The following SPAG16 variants were observed in gnomAD, a reference collection of about 807,000 sequenced individuals.
SPAG16 encodes sperm-associated antigen 16 protein.
SPAG16 carries 86 observed loss-of-function variants against 80.4 expected under a neutral mutation model. The observed-to-expected ratio is 1.07, with a 90% CI of 0.90 to 1.28. SPAG16 has a LOEUF of 1.28. SPAG16 is among the 50% of genes most tolerant of loss of function. The probability of loss-of-function intolerance (pLI) is 0.00; values close to 1 mark genes in which losing one functional copy is unlikely to be tolerated. For synonymous variants in SPAG16, 294 were observed against 265.9 expected (o/e 1.11, Z -1.03); for missense variants, 870 against 765.3 (o/e 1.14, Z -1.61).
chr2:213,720,330 T>C (rs1168201022), intron 10 of SPAG16, among the ~76,000 whole-genome samples: 1 of 151,390 alleles, frequency 6.6e-6, no homozygotes, highest in Non-Finnish European at 1.5e-5. Flanking sequence ...GAACTTAAAG[T>C]ATAAGAAAAA....
At chr2:214,301,719 A>T (rs1248252559) in intron 15 of SPAG16, among the ~76,000 whole-genome samples, 1 of 152,066 alleles carries the variant, frequency 6.6e-6, no homozygotes, top group Admixed American at 6.6e-5. Context: ...TTATTCTTTC[A>T]AAGAACCAAC....
chr2:213,577,512 T>C (rs895745568), intron 10 of SPAG16, among the ~76,000 whole-genome samples: 3 of 152,160 alleles, frequency 2.0e-5, no homozygotes, highest in Admixed American at 6.6e-5. Context: ...CTCAACTGTT[T>C]ATTTCTGCTC....
In SPAG16 at chr2:214,136,603, A is replaced by G. The variant is rs143060939; in HGVS notation, c.1594-12537A>G. 9.9e-3 allele frequency among the ~76,000 whole-genome samples: 1,509 copies of G among 152,294 alleles called. 35 individuals carry two copies. The highest frequency in any genetic ancestry group is 0.035 in the African/African-American group (1,453 of 41,566). ...ACTGATGATGGCATAGGAAAGAAGT[A>G]TACACCCAAAATTACAAACTTATCC... On this transcript the variant is annotated intron_variant, in intron 14 of 15. Transcript: ENST00000331683.
At position 214,124,276 on chromosome 2, in the gene SPAG16, A is replaced by T. The variant is rs1249714534; in HGVS notation, c.1593+16015A>T. Among the ~76,000 whole-genome samples the T allele has an allele frequency of 2.0e-5, 3 of 150,294 alleles. No individual in the cohort carries two copies. The Admixed American group carries it at 2.2e-4, about 11-fold the overall frequency. On this transcript the variant is annotated intron_variant, in intron 14 of 15. Transcript: ENST00000331683. ...TCAAAATATTTTATTTTTTTATAAG[A>T]AATAATGTCACTGATCAGGATATTT...
At chr2:213,611,739 G>C (rs969845714) in intron 10 of SPAG16, among the ~76,000 whole-genome samples, 3 of 151,980 alleles carry the variant, frequency 2.0e-5, no homozygotes, top group African/African-American at 7.2e-5. Flanking sequence ...GCTAATAATA[G>C]GTGATAACAT....
At chr2:213,777,837 T>C (rs1422230551) in intron 10 of SPAG16, among the ~76,000 whole-genome samples, 2 of 152,164 alleles carry the variant, frequency 1.3e-5, no homozygotes, top group Non-Finnish European at 2.9e-5. Flanking sequence ...GGGCCTGGCC[T>C]GTAAGAACAA....
intron 9 of SPAG16, among the ~76,000 whole-genome samples, chr2:213,472,277 A>G (rs755129572): frequency 6.6e-6 from 1 of 152,240 alleles, no homozygotes; most frequent in Non-Finnish European, 1.5e-5. Context: ...TGCCAACTCA[A>G]TGGCTGCATA....
At chr2:213,645,757 G>C (rs1046577744) in intron 10 of SPAG16, among the ~76,000 whole-genome samples, 1 of 152,098 alleles carries the variant, frequency 6.6e-6, no homozygotes, top group Non-Finnish European at 1.5e-5. Flanking sequence ...TGTCCCAGCT[G>C]GTGTCTCAGT....
At chr2:213,871,838 T>TCACA (rs1045988177) in intron 11 of SPAG16, among the ~76,000 whole-genome samples, 1,458 of 101,582 alleles carry the variant, frequency 0.014, 23 homozygotes, top group African/African-American at 0.046. Context: ...CTCAGGAAAT[T>TCACA]CACACACACA....
intron 15 of SPAG16, among the ~76,000 whole-genome samples, chr2:214,362,354 T>C (rs1003459242): frequency 6.6e-6 from 1 of 151,880 alleles, no homozygotes; most frequent in African/African-American, 2.4e-5. Flanking sequence ...CTGAATTCCA[T>C]GTTTAAGGAA....
rs74511505 is a variant in SPAG16 at position 213,830,877 on chromosome 2, A to G, written c.1071-31608A>G. Among the ~76,000 whole-genome samples the G allele has an allele frequency of 5.4e-3, 828 of 152,182 alleles. 15 individuals are homozygous for G. The highest frequency in any genetic ancestry group is 0.045 in the East Asian group (233 of 5,168). On this transcript the variant is annotated intron_variant, in intron 10 of 15. Coordinates refer to ENST00000331683, the MANE Select transcript of SPAG16 (RefSeq NM_024532.5). Reference sequence around the variant, plus strand: ...TGCATTTGTCTTTCGGGACATTTGTATTATAAGTGCTGTGTTTTCTGAGGT... The same window carrying G: ...TGCATTTGTCTTTCGGGACATTTGTGTTATAAGTGCTGTGTTTTCTGAGGT...
At chr2:213,877,697 T>C (rs2076193585) in intron 11 of SPAG16, among the ~76,000 whole-genome samples, 1 of 152,140 alleles carries the variant, frequency 6.6e-6, no homozygotes, top group Admixed American at 6.6e-5. Flanking sequence ...TAATATCCAC[T>C]TATGTATTTC....
chr2:214,353,905 T>C (rs1205684483), intron 15 of SPAG16, among the ~76,000 whole-genome samples: 1 of 152,136 alleles, frequency 6.6e-6, no homozygotes, highest in African/African-American at 2.4e-5. Flanking sequence ...ATGAGAAATA[T>C]ACATCTGAAA....
At chr2:213,388,607 A>G (rs2067575229) in intron 9 of SPAG16, among the ~76,000 whole-genome samples, 1 of 152,128 alleles carries the variant, frequency 6.6e-6, no homozygotes, top group Admixed American at 6.5e-5. Flanking sequence ...ATAGTAAAAA[A>G]CCCAGCAAAC....
chr2:213,566,444 C>T (rs536558623), intron 10 of SPAG16, among the ~76,000 whole-genome samples: 2 of 151,848 alleles, frequency 1.3e-5, no homozygotes, highest in African/African-American at 4.8e-5. Context: ...TTCTTTAATC[C>T]TTCATTTAAG....
rs149128558 is a variant in SPAG16 at position 213,316,929 on chromosome 2, A to G, written c.399-290A>G. On this transcript the variant is annotated intron_variant, in intron 4 of 15. Coordinates refer to ENST00000331683, the MANE Select transcript of SPAG16 (RefSeq NM_024532.5). ...CCCTCCCCACTAGAATGGAAACTCC[A>G]TGAAATAGGGACGTAGACATTTTTG... Among the ~76,000 whole-genome samples the G allele has an allele frequency of 4.6e-5, 7 of 152,162 alleles. No individual in the cohort carries two copies. In the East Asian group the frequency reaches 1.2e-3, roughly 25 times the overall value.
chr2:213,408,076 GAGAA>G (rs1004260413), intron 9 of SPAG16, among the ~76,000 whole-genome samples: 6 of 151,252 alleles, frequency 4.0e-5, no homozygotes, highest in African/African-American at 1.2e-4. Context: ...GCAGGAGAGA[GAGAA>G]AGAGAAAAAT....
intron 14 of SPAG16, among the ~76,000 whole-genome samples, chr2:214,135,175 G>C (rs1350210617): frequency 6.6e-6 from 1 of 152,140 alleles, no homozygotes; most frequent in Non-Finnish European, 1.5e-5. Context: ...TATTGTAATT[G>C]CCTAGTTACT....
chr2:213,998,449 C>G (rs139852494), intron 12 of SPAG16, among the ~76,000 whole-genome samples: 5 of 152,312 alleles, frequency 3.3e-5, no homozygotes, highest in African/African-American at 9.6e-5. Context: ...ATAAGAAGTG[C>G]CTTTCACCTC....
Sources: allele counts gnomAD v4.1 joint callset (sites outside exome capture counted in the v4.1 genomes callset), GRCh38; gene constraint gnomAD v4.1.1; transcripts MANE v1.5; gene names NCBI Gene and HGNC (gene_info 2026-07-23, HGNC 2026-07-21).